Variants in SLC25A26 observed in about 807,000 individuals in gnomAD.
SLC25A26 encodes the protein solute carrier family 25 member 26.
Under a neutral mutation model 37.8 loss-of-function variants are expected in SLC25A26, and 36 were observed. The observed-to-expected ratio is 0.95, with a 90% CI of 0.73 to 1.26. SLC25A26 has a LOEUF of 1.26. Among genes scored for constraint, SLC25A26 ranks in the 50% most tolerant of loss-of-function variants. The pLI is 0.00. For missense variants in SLC25A26, 390 were observed against 331.1 expected, an observed-to-expected ratio of 1.18 and a Z score of -1.38; for synonymous variants, 129 against 122.5, an observed-to-expected ratio of 1.05 and a Z score of -0.35.
intron 1 of SLC25A26, among the ~76,000 whole-genome samples, chr3:66,186,727 A>G (rs2070835816): frequency 6.6e-6 from 1 of 151,856 alleles, no homozygotes; most frequent in Non-Finnish European, 1.5e-5. Context: ...CCTGAGTCAT[A>G]TCATGACTCT....
intron 1 of SLC25A26, among the ~76,000 whole-genome samples, chr3:66,178,033 TCTAA>T (rs1195235923): frequency 6.6e-6 from 1 of 152,220 alleles, no homozygotes; most frequent in African/African-American, 2.4e-5. Flanking sequence ...TTTGGAATTT[TCTAA>T]CTGAGACAGC....
chr3:66,371,278 G>C (rs1361174400), intron 9 of SLC25A26: 1 of 1,549,634 alleles, frequency 6.5e-7, no homozygotes, highest in East Asian at 2.4e-5. Context: ...GCAGCTGCCT[G>C]GACTTCGGGC....
At chr3:66,376,933 T>C (rs76694396) in intron 9 of SLC25A26, among the ~76,000 whole-genome samples, 6,465 of 152,278 alleles carry the variant, frequency 0.042, 471 homozygotes, top group African/African-American at 0.14. Flanking sequence ...TTGGCATCTG[T>C]AGATTTCCTC....
chr3:66,297,369 A>T (rs2074938346), intron 5 of SLC25A26, among the ~76,000 whole-genome samples: 2 of 151,524 alleles, frequency 1.3e-5, no homozygotes, highest in Admixed American at 6.6e-5. Flanking sequence ...CATTAATTCT[A>T]GAACTGAGAT....
At chr3:66,206,755 T>A (rs908431175) in intron 1 of SLC25A26, among the ~76,000 whole-genome samples, 1 of 149,968 alleles carries the variant, frequency 6.7e-6, no homozygotes, top group African/African-American at 2.5e-5. Flanking sequence ...TAGGCTGGGG[T>A]GTAGTGGCAT....
At chr3:66,150,603 G>GATATATATATATAT (rs1169750069) in intron 1 of SLC25A26, among the ~76,000 whole-genome samples, 1 of 26,110 alleles carries the variant, frequency 3.8e-5, no homozygotes, top group Non-Finnish European at 7.4e-5. Flanking sequence ...TATGTAATGA[G>GATATATATATATAT]ATATATATAT....
intron 5 of SLC25A26, among the ~76,000 whole-genome samples, chr3:66,276,003 A>G (rs1442639330): frequency 3.9e-5 from 6 of 152,134 alleles, no homozygotes; most frequent in Non-Finnish European, 8.8e-5. Flanking sequence ...ATATGTAAGA[A>G]AACTAAATTT....
intron 5 of SLC25A26, among the ~76,000 whole-genome samples, chr3:66,309,606 G>A (rs1084535): frequency 0.56 from 85,662 of 151,950 alleles, 26,527 homozygotes; most frequent in African/African-American, 0.82. Flanking sequence ...TAGGGTGTCG[G>A]TTTTAGATCT....
At chr3:66,149,877 TTGTTTTCC>T (rs1215354342) in intron 1 of SLC25A26, among the ~76,000 whole-genome samples, 2 of 152,208 alleles carry the variant, frequency 1.3e-5, no homozygotes, top group Non-Finnish European at 2.9e-5. Context: ...CTTGTGATCC[TTGTTTTCC>T]TGTTGAGGAA....
At chr3:66,163,882 T>A (rs905113548) in intron 1 of SLC25A26, among the ~76,000 whole-genome samples, 5 of 152,178 alleles carry the variant, frequency 3.3e-5, no homozygotes, top group Non-Finnish European at 5.9e-5. Flanking sequence ...AGGGGGATAT[T>A]TGGAAGTCCC....
chr3:66,347,890 C>G (rs2076362592), intron 6 of SLC25A26, among the ~76,000 whole-genome samples: 1 of 152,184 alleles, frequency 6.6e-6, no homozygotes, highest in Non-Finnish European at 1.5e-5. Context: ...AAAGCAAACA[C>G]TGCATGTTCT....
chr3:66,269,467 G>T (rs954498924), intron 5 of SLC25A26, among the ~76,000 whole-genome samples: 2 of 152,154 alleles, frequency 1.3e-5, no homozygotes, highest in Non-Finnish European at 1.5e-5. Context: ...GGCTACTTAT[G>T]TAGGAAAAAC....
At chr3:66,181,997 T>C (rs966718109) in intron 1 of SLC25A26, among the ~76,000 whole-genome samples, 5 of 152,170 alleles carry the variant, frequency 3.3e-5, no homozygotes, top group Admixed American at 6.5e-5. Flanking sequence ...TGGCCTTGCC[T>C]TGTTTTAGCT....
intron 1 of SLC25A26, among the ~76,000 whole-genome samples, chr3:66,175,415 C>G (rs2070571186): frequency 6.6e-6 from 1 of 151,852 alleles, no homozygotes; most frequent in African/African-American, 2.4e-5. Context: ...GGTAGAGACA[C>G]AGTTTCGCCA....
chr3:66,364,603 T>C (rs1490033641), intron 7 of SLC25A26, among the ~76,000 whole-genome samples: 1 of 152,166 alleles, frequency 6.6e-6, no homozygotes, highest in African/African-American at 2.4e-5. Context: ...ATTCCTACCT[T>C]AGGGGATTAC....
chr3:66,214,767 A>G (rs906820295), intron 1 of SLC25A26, among the ~76,000 whole-genome samples: 1 of 152,222 alleles, frequency 6.6e-6, no homozygotes. Context: ...ATTTTTAATA[A>G]CAAAGCTATT....
chr3:66,236,469 C>T lies in SLC25A26; in HGVS notation c.34-75C>T, dbSNP rs139749082. On this transcript the variant is annotated intron_variant, in intron 1 of 9. Coordinates refer to ENST00000354883, the MANE Select transcript of SLC25A26 (RefSeq NM_001379210.1). The stretch of plus-strand genomic sequence containing the variant: ...GCTTTAAAGACTGTCTTCCTATCTT[C>T]GCCCCCAAGTGGCCGAGAGCTTATT... 2,499 of 1,204,308 alleles carry T rather than the reference C, an allele frequency of 2.1e-3. 31 individuals are homozygous for T. In the East Asian group the frequency reaches 0.028, roughly 13 times the overall value. 74.6% of individuals were successfully genotyped at this position (1,204,308 alleles called of 1,614,324 possible). A position where few individuals can be genotyped will look rare whatever the true frequency, so the allele number is the denominator to read the frequency against.
At chr3:66,236,043 C>T (rs1331777386) in intron 1 of SLC25A26, among the ~76,000 whole-genome samples, 1 of 152,076 alleles carries the variant, frequency 6.6e-6, no homozygotes, top group Non-Finnish European at 1.5e-5. Flanking sequence ...TTCCAAGTAG[C>T]TGGACCTACA....
chr3:66,342,434 A>T (rs1322077088), intron 5 of SLC25A26, among the ~76,000 whole-genome samples: 1 of 152,138 alleles, frequency 6.6e-6, no homozygotes, highest in African/African-American at 2.4e-5. Context: ...TTGTAATGTA[A>T]TTTTTTAATT....
Sources: allele counts gnomAD v4.1 joint callset (sites outside exome capture counted in the v4.1 genomes callset), GRCh38; gene constraint gnomAD v4.1.1; transcripts MANE v1.5; gene names NCBI Gene and HGNC (gene_info 2026-07-23, HGNC 2026-07-21).